The following NTRK3 variants were observed in gnomAD, a reference collection of about 807,000 sequenced individuals.
NTRK3 encodes NT-3 growth factor receptor.
A neutral mutation model predicts 91.7 loss-of-function variants in NTRK3; 24 were observed. The ratio of observed to expected loss-of-function variants is 0.26; its 90% confidence interval spans 0.19 to 0.37. The LOEUF (loss-of-function observed/expected upper bound fraction) is 0.37. NTRK3 is among the 10% of genes least tolerant of loss of function. The probability of loss-of-function intolerance (pLI) is 1.00; values close to 1 mark genes in which losing one functional copy is unlikely to be tolerated. For synonymous variants in NTRK3, 483 were observed against 404.0 expected (o/e 1.20, Z -2.34); for missense variants, 880 against 1,068.9 (o/e 0.82, Z 2.46).
intron 14 of NTRK3, among the ~76,000 whole-genome samples, chr15:87,972,861 C>A (rs1210029332): frequency 6.6e-6 from 1 of 152,176 alleles, no homozygotes; most frequent in Non-Finnish European, 1.5e-5. Flanking sequence ...CCAGATACAA[C>A]CCACACAGAC....
At chr15:88,153,908 G>A (rs749532547) in intron 5 of NTRK3, among the ~76,000 whole-genome samples, 7 of 152,012 alleles carry the variant, frequency 4.6e-5, no homozygotes, top group Admixed American at 1.3e-4. Context: ...TTCGATATAC[G>A]AATTTTGGGG....
chr15:87,876,221 TG>T (rs576595466), exon 19 of NTRK3: 25 of 233,204 alleles, frequency 1.1e-4, no homozygotes, highest in African/African-American at 4.8e-4. Context: ...TTTTGTGTTG[TG>T]GGGTTGTCTG....
intron 3 of NTRK3, among the ~76,000 whole-genome samples, chr15:88,228,822 C>T (rs899179273): frequency 6.6e-6 from 1 of 152,174 alleles, no homozygotes; most frequent in South Asian, 2.1e-4. Context: ...TTCACCTCAC[C>T]TTGCCATAGA....
chr15:87,906,680 A>G (rs994274227), intron 17 of NTRK3, among the ~76,000 whole-genome samples: 4 of 152,182 alleles, frequency 2.6e-5, no homozygotes, highest in Admixed American at 2.6e-4. Context: ...GAGAAACTAA[A>G]TAAACTAAAA....
intron 14 of NTRK3, among the ~76,000 whole-genome samples, chr15:87,986,729 T>C (rs1327412073): frequency 3.9e-5 from 6 of 152,242 alleles, no homozygotes; most frequent in African/African-American, 9.6e-5. Context: ...AAAGTTGCGA[T>C]CAATATTATT....
intron 13 of NTRK3, among the ~76,000 whole-genome samples, chr15:88,065,442 T>A (rs1028142057): frequency 6.6e-6 from 1 of 152,142 alleles, no homozygotes; most frequent in African/African-American, 2.4e-5. Context: ...AGGCTCTGCT[T>A]GGTGACCAGA....
chr15:88,085,653 G>T (rs1428526015), intron 13 of NTRK3, among the ~76,000 whole-genome samples: 1 of 152,196 alleles, frequency 6.6e-6, no homozygotes, highest in African/African-American at 2.4e-5. Context: ...CCAGCAGTAT[G>T]CAGTAATCGC....
chr15:87,892,103 C>T (rs1303849487), intron 17 of NTRK3, among the ~76,000 whole-genome samples: 1 of 151,690 alleles, frequency 6.6e-6, no homozygotes, highest in African/African-American at 2.4e-5. Flanking sequence ...CACACACACA[C>T]ACACACACAC....
At position 88,255,231 on chromosome 15, in the gene NTRK3, TGAG is replaced by T. The variant is rs1332800224; in HGVS notation, c.248+672_248+674del. ...GGATCTGTAGGCGCCCAGATGCAGA[TGAG>T]GGTGGCAAAGGGGTGTCTCGGAAAT... On this transcript the variant is annotated intron_variant, in intron 3 of 18. Transcript: ENST00000394480. This position sits in a 1 kb window ranked among gnomAD's most constrained non-coding sequence, Gnocchi z 4.3. Among the ~76,000 whole-genome samples the T allele has an allele frequency of 6.6e-6, 1 of 151,944 alleles. No individual in the cohort carries two copies. Among genetic ancestry groups the T allele is most frequent in the East Asian group, 1.9e-4 (1 of 5,168 alleles).
intron 10 of NTRK3, among the ~76,000 whole-genome samples, chr15:88,134,042 T>C (rs1433722511): frequency 4.6e-5 from 7 of 152,246 alleles, no homozygotes; most frequent in African/African-American, 1.7e-4. Flanking sequence ...AGATGCTACA[T>C]ACTGCTAGCT....
At chr15:88,188,456 A>C (rs571919262) in intron 3 of NTRK3, among the ~76,000 whole-genome samples, 2 of 152,190 alleles carry the variant, frequency 1.3e-5, no homozygotes. Flanking sequence ...TGCAATGCAC[A>C]GGACAGCCCC....
chr15:88,154,819 A>C (rs1165310320), intron 5 of NTRK3, among the ~76,000 whole-genome samples: 1 of 152,196 alleles, frequency 6.6e-6, no homozygotes, highest in Non-Finnish European at 1.5e-5. Flanking sequence ...AAGCATGCTT[A>C]TTTACTGCAG....
intron 14 of NTRK3, among the ~76,000 whole-genome samples, chr15:88,021,563 T>C (rs1305415886): frequency 6.6e-6 from 1 of 150,914 alleles, no homozygotes; most frequent in Admixed American, 6.6e-5. Flanking sequence ...ATCCAGGTTT[T>C]CCCAAAATTA....
intron 13 of NTRK3, among the ~76,000 whole-genome samples, chr15:88,091,974 G>C (rs1376512171): frequency 6.6e-6 from 1 of 152,214 alleles, no homozygotes; most frequent in Non-Finnish European, 1.5e-5. Context: ...TTCTGCAAAA[G>C]GCAGCATTTT....
intron 14 of NTRK3, among the ~76,000 whole-genome samples, chr15:87,944,613 T>C (rs1311939210): frequency 1.3e-5 from 2 of 152,204 alleles, no homozygotes; most frequent in African/African-American, 2.4e-5. Context: ...CGCTCTGTCT[T>C]CCCAGCTTTA....
intron 14 of NTRK3, among the ~76,000 whole-genome samples, chr15:87,970,553 T>C (rs189330472): frequency 6.6e-6 from 1 of 152,332 alleles, no homozygotes; most frequent in Admixed American, 6.5e-5. Flanking sequence ...TATTAATAGA[T>C]ATTAAATGAA....
chr15:87,902,645 A>AC (rs3837704), intron 17 of NTRK3, among the ~76,000 whole-genome samples: 82,990 of 151,872 alleles, frequency 0.55, 24,756 homozygotes, highest in East Asian at 0.69. Context: ...TAATTCCTAA[A>AC]CCTGGAAAAC....
At chr15:88,212,391 A>T (rs1477319487) in intron 3 of NTRK3, among the ~76,000 whole-genome samples, 2 of 152,068 alleles carry the variant, frequency 1.3e-5, no homozygotes, top group Non-Finnish European at 1.5e-5. Flanking sequence ...ATAAAATAAA[A>T]AGTCTCTAAC....
At chr15:87,889,497 C>T (rs151203379) in intron 17 of NTRK3, among the ~76,000 whole-genome samples, 3,032 of 150,974 alleles carry the variant, frequency 0.02, 111 homozygotes, top group African/African-American at 0.071. Flanking sequence ...CTCCACCTCC[C>T]GGGTTCAAGC....
Sources: gnomAD v4.1 joint callset for allele counts (sites outside exome capture counted in the v4.1 genomes callset) on GRCh38, gnomAD v4.1.1 for gene constraint, Gnocchi (gnomAD v3.1) non-coding constraint, MANE v1.5 for transcripts, NCBI Gene and HGNC (gene_info 2026-07-23, HGNC 2026-07-21) for gene names.